Variants in GPC6 observed in about 807,000 individuals in gnomAD.
GPC6 encodes glypican-6.
A neutral mutation model predicts 55.2 loss-of-function variants in GPC6; 14 were observed. The ratio of observed to expected loss-of-function variants is 0.25; its 90% confidence interval spans 0.17 to 0.40. The LOEUF is 0.40. GPC6 is among the 10% of genes least tolerant of loss of function. The pLI is 1.00. For synonymous variants in GPC6, 278 were observed against 259.6 expected, an observed-to-expected ratio of 1.07 and a Z score of -0.68; for missense variants, 641 against 708.5, an observed-to-expected ratio of 0.90 and a Z score of 1.08.
chr13:93,666,521 T>G lies in GPC6; in HGVS notation c.319+121100T>G, dbSNP rs73543578. Among the ~76,000 whole-genome samples, 197 of 152,286 alleles carry G rather than the reference T, an allele frequency of 1.3e-3. 1 individual carries two copies. Among genetic ancestry groups the G allele is most frequent in the African/African-American group, 4.5e-3 (188 of 41,554 alleles). On this transcript the variant is annotated intron_variant, in intron 2 of 8. Transcript: ENST00000377047. ...GGCTTTGTCCTTCAGTGTTGTAATA[T>G]ATATAAAGCATCTAGCACAGTGCCT...
chr13:93,745,365 A>G (rs1884363376), intron 2 of GPC6, among the ~76,000 whole-genome samples: 1 of 151,868 alleles, frequency 6.6e-6, no homozygotes. Context: ...ATCTGACCTA[A>G]AGAAACTTCA....
At chr13:94,378,606 A>G (rs1005456435) in intron 6 of GPC6, among the ~76,000 whole-genome samples, 5 of 152,204 alleles carry the variant, frequency 3.3e-5, no homozygotes, top group Admixed American at 2.0e-4. Context: ...TGCAATTATC[A>G]GAAATCAGAA....
intron 3 of GPC6, among the ~76,000 whole-genome samples, chr13:94,007,018 A>G (rs572776325): frequency 5.3e-5 from 8 of 152,320 alleles, no homozygotes; most frequent in Admixed American, 1.3e-4. Flanking sequence ...CTTAGTCACT[A>G]TGCTGTTTCT....
intron 3 of GPC6, among the ~76,000 whole-genome samples, chr13:93,967,964 A>G (rs1880120605): frequency 6.6e-6 from 1 of 152,200 alleles, no homozygotes; most frequent in Admixed American, 6.5e-5. Context: ...GCATTGACTC[A>G]GTAAAATTAA....
intron 4 of GPC6, among the ~76,000 whole-genome samples, chr13:94,138,424 A>G (rs1593975381): frequency 6.6e-6 from 1 of 152,186 alleles, no homozygotes; most frequent in African/African-American, 2.4e-5. Context: ...TAATCGTTCC[A>G]GTCGTCTTTA....
intron 1 of GPC6, among the ~76,000 whole-genome samples, chr13:93,473,752 T>C (rs1879208932): frequency 6.6e-6 from 1 of 152,144 alleles, no homozygotes; most frequent in African/African-American, 2.4e-5. Flanking sequence ...CCATGGAATG[T>C]GGCACCATCC....
In GPC6 at chr13:94,026,654, T is replaced by C. The variant is rs74111407; in HGVS notation, c.712-1075T>C. Among the ~76,000 whole-genome samples, 1,018 of 152,256 alleles carry C rather than the reference T, an allele frequency of 6.7e-3. 13 individuals carry two copies. Among genetic ancestry groups the C allele is most frequent in the African/African-American group, 0.023 (968 of 41,540 alleles). ...CTTGTATGAGTTCATTCTCACATAC[T>C]ACTATAAAGCACTGCCCGAGAGTAT... On this transcript the variant is annotated intron_variant, in intron 3 of 8. Coordinates refer to ENST00000377047, the MANE Select transcript of GPC6 (RefSeq NM_005708.5).
At chr13:93,580,782 A>G (rs934258459) in intron 2 of GPC6, among the ~76,000 whole-genome samples, 1 of 152,176 alleles carries the variant, frequency 6.6e-6, no homozygotes, top group African/African-American at 2.4e-5. Flanking sequence ...ATCATATTTA[A>G]TCTCCTATTC....
intron 1 of GPC6, among the ~76,000 whole-genome samples, chr13:93,444,054 A>C (rs1472074533): frequency 1.3e-5 from 2 of 152,198 alleles, no homozygotes; most frequent in African/African-American, 2.4e-5. Flanking sequence ...TGTATTCTCA[A>C]GATTCCAGCA....
At chr13:93,501,249 C>T (rs1880509323) in intron 1 of GPC6, among the ~76,000 whole-genome samples, 1 of 151,960 alleles carries the variant, frequency 6.6e-6, no homozygotes, top group Non-Finnish European at 1.5e-5. Context: ...TCTCACACTT[C>T]TGGGTACCAA....
chr13:94,270,534 G>A (rs775787286), intron 4 of GPC6, among the ~76,000 whole-genome samples: 3 of 152,220 alleles, frequency 2.0e-5, no homozygotes, highest in Non-Finnish European at 4.4e-5. Flanking sequence ...CTGAAAGGAA[G>A]TATCACAAAA....
chr13:93,250,455 C>A (rs1876747354), intron 1 of GPC6, among the ~76,000 whole-genome samples: 1 of 152,108 alleles, frequency 6.6e-6, no homozygotes, highest in African/African-American at 2.4e-5. Context: ...TGGTATTCAC[C>A]CTCACATTGG....
At chr13:93,410,689 T>C (rs1202339646) in intron 1 of GPC6, among the ~76,000 whole-genome samples, 3 of 152,212 alleles carry the variant, frequency 2.0e-5, no homozygotes, top group Non-Finnish European at 2.9e-5. Flanking sequence ...TTATTTTTCA[T>C]GTGAAAGAAG....
chr13:93,237,313 T>C (rs563610239), intron 1 of GPC6, among the ~76,000 whole-genome samples: 52 of 150,838 alleles, frequency 3.4e-4, no homozygotes, highest in South Asian at 2.3e-3. Flanking sequence ...TTCATTTCCA[T>C]GATAATTAGT....
intron 1 of GPC6, among the ~76,000 whole-genome samples, chr13:93,442,604 G>A (rs1387855295): frequency 2.6e-5 from 4 of 152,150 alleles, no homozygotes; most frequent in African/African-American, 9.7e-5. Context: ...AAGTCCATGT[G>A]TTTCAGTATC....
chr13:94,156,750 A>T (rs1046372313), intron 4 of GPC6, among the ~76,000 whole-genome samples: 1 of 152,168 alleles, frequency 6.6e-6, no homozygotes, highest in Non-Finnish European at 1.5e-5. Context: ...GAGCTCCCAG[A>T]GGTGTGGTAA....
intron 2 of GPC6, among the ~76,000 whole-genome samples, chr13:93,744,620 C>G (rs1165134793): frequency 7.2e-6 from 1 of 138,998 alleles, no homozygotes; most frequent in Non-Finnish European, 1.5e-5. Context: ...CATCTGACAT[C>G]AAGCACTGTC....
At chr13:94,279,975 T>C (rs1304165651) in intron 4 of GPC6, among the ~76,000 whole-genome samples, 1 of 152,214 alleles carries the variant, frequency 6.6e-6, no homozygotes, top group Non-Finnish European at 1.5e-5. Context: ...GATCCAGAGC[T>C]GAGTTCAAGT....
At chr13:93,890,716 ATTTTT>A (rs35783811) in intron 3 of GPC6, among the ~76,000 whole-genome samples, 3 of 125,386 alleles carry the variant, frequency 2.4e-5, no homozygotes, top group Admixed American at 7.9e-5. Flanking sequence ...ATTTTACTTA[ATTTTT>A]TTTTTTTTTT....
Sources: allele counts gnomAD v4.1 joint callset (sites outside exome capture counted in the v4.1 genomes callset), GRCh38; gene constraint gnomAD v4.1.1; transcripts MANE v1.5; gene names NCBI Gene and HGNC (gene_info 2026-07-23, HGNC 2026-07-21).